Variants in PARD3B observed in about 807,000 individuals in gnomAD.
PARD3B encodes par-3 family cell polarity regulator beta.
A neutral mutation model predicts 130.2 loss-of-function variants in PARD3B; 103 were observed. The ratio of observed to expected loss-of-function variants is 0.79; its 90% CI spans 0.67 to 0.93. The LOEUF is 0.93. Among genes scored for constraint, PARD3B ranks in the 40% least tolerant of loss-of-function variants. The probability of loss-of-function intolerance (pLI) is 0.00; values close to 1 mark genes in which losing one functional copy is unlikely to be tolerated. For synonymous variants in PARD3B, 583 were observed against 553.2 expected (o/e 1.05, Z -0.76); for missense variants, 1,609 against 1,499.2 (o/e 1.07, Z -1.21).
Position 205,158,063 on chromosome 2 carries a change from T to C in PARD3B, c.1435-659T>C, listed in dbSNP as rs1203664715. Among the ~76,000 whole-genome samples, 3 of 152,148 alleles carry C rather than the reference T, an allele frequency of 2.0e-5. No individual in the cohort carries two copies. The highest frequency in any genetic ancestry group is 4.4e-5 in the Non-Finnish European group (3 of 68,026). On this transcript the variant is annotated intron_variant, in intron 10 of 22. Transcript: ENST00000406610. The surrounding 1 kb of genome is among the most constrained non-coding windows in gnomAD (Gnocchi z 5.4). ...AATCATTTTTGTTTAGGTTTAAAAA[T>C]TTAATGGCAGTGAGTTATACTACCT...
rs569948558 is a variant in PARD3B at position 204,974,332 on chromosome 2, G to A, written c.394+9009G>A. On this transcript the variant is annotated intron_variant, in intron 3 of 22. Coordinates refer to ENST00000406610, the MANE Select transcript of PARD3B (RefSeq NM_001302769.2). ...TATGTTTGTAGAATACGGTGTGATC[G>A]GGGAAAATGGGTAGGCTTATTACCT... Among the ~76,000 whole-genome samples, 8 of 152,148 alleles carry A rather than the reference G, an allele frequency of 5.3e-5. No homozygotes were observed. In the South Asian group the frequency reaches 1.0e-3, roughly 20 times the overall value.
intron 2 of PARD3B, among the ~76,000 whole-genome samples, chr2:204,755,141 T>G (rs1391770213): frequency 6.6e-6 from 1 of 152,086 alleles, no homozygotes. Context: ...GAACTCCAGT[T>G]CAGGCACTAA....
intron 15 of PARD3B, among the ~76,000 whole-genome samples, chr2:205,195,346 T>G (rs1002742218): frequency 6.6e-6 from 1 of 152,164 alleles, no homozygotes; most frequent in Non-Finnish European, 1.5e-5. Flanking sequence ...GTGGAAATAC[T>G]CAACAGCATG....
At chr2:204,828,384 T>C (rs1010088105) in intron 2 of PARD3B, among the ~76,000 whole-genome samples, 14 of 152,186 alleles carry the variant, frequency 9.2e-5, no homozygotes, top group African/African-American at 3.4e-4. Context: ...GCTCCAGTGA[T>C]TCTCAACCCT....
chr2:204,876,777 A>G (rs564266309), intron 2 of PARD3B, among the ~76,000 whole-genome samples: 3 of 152,200 alleles, frequency 2.0e-5, no homozygotes, highest in South Asian at 4.1e-4. Context: ...CCTCTGCTTT[A>G]TATTGTCTGA....
rs1210595780 is a variant in PARD3B at position 204,676,712 on chromosome 2, C to G, written c.121-9469C>G. On this transcript the variant is annotated intron_variant, in intron 1 of 22. Transcript: ENST00000406610. ...GGAGACAGAGTCTTGCTCTGTCACC[C>G]AGGCTGGAGTGCAGTGGTGCAATCT... Among the ~76,000 whole-genome samples the G allele has an allele frequency of 2.1e-5, 3 of 144,898 alleles. No individual in the cohort carries two copies. The East Asian group carries it at 6.2e-4, about 30-fold the overall frequency.
intron 2 of PARD3B, among the ~76,000 whole-genome samples, chr2:204,953,639 A>T (rs1690001208): frequency 6.6e-6 from 1 of 152,180 alleles, no homozygotes; most frequent in Non-Finnish European, 1.5e-5. Flanking sequence ...TATAAACACC[A>T]AAAGTGGTAA....
chr2:204,811,376 A>C (rs553308801), intron 2 of PARD3B, among the ~76,000 whole-genome samples: 62 of 151,910 alleles, frequency 4.1e-4, no homozygotes, highest in African/African-American at 1.3e-3. Flanking sequence ...ACTTTATCAA[A>C]CTCTACTGGT....
chr2:205,345,310 T>C (rs958904502), intron 18 of PARD3B, among the ~76,000 whole-genome samples: 2 of 152,146 alleles, frequency 1.3e-5, no homozygotes, highest in Non-Finnish European at 2.9e-5. Flanking sequence ...AACTTGGGGG[T>C]ACTTAGCAAG....
intron 19 of PARD3B, among the ~76,000 whole-genome samples, chr2:205,411,256 G>C (rs2046587073): frequency 1.3e-5 from 2 of 152,120 alleles, no homozygotes; most frequent in South Asian, 4.1e-4. Flanking sequence ...AGATATAATA[G>C]AAATATACTA....
intron 1 of PARD3B, among the ~76,000 whole-genome samples, chr2:204,589,560 T>C (rs943043738): frequency 6.7e-6 from 1 of 149,494 alleles, no homozygotes; most frequent in Non-Finnish European, 1.5e-5. Context: ...ATATAGCTGT[T>C]GCACAAGGTT....
rs753222666 is a variant in PARD3B at position 205,615,860 on chromosome 2, T to A, written c.*47T>A. On this transcript the variant is annotated 3_prime_UTR_variant, in exon 23 of 23. Coordinates refer to ENST00000406610, the MANE Select transcript of PARD3B (RefSeq NM_001302769.2). ...CCGGTCCAGAAAGGAAGGTGTCTAC[T>A]CTACCTTTGCCCTTTCTAAACCTGA... The A allele has an allele frequency of 1.3e-6, 2 of 1,491,646 alleles. No individual in the cohort carries two copies. Among genetic ancestry groups the A allele is most frequent in the South Asian group, 1.2e-5 (1 of 80,102 alleles). The allele number at this position is 1,491,646 out of a possible 1,614,324, so 92.4% of individuals were successfully genotyped here.
chr2:205,463,406 T>TA lies in PARD3B; in HGVS notation c.3044+22735dup, dbSNP rs2106233347. On this transcript the variant is annotated intron_variant, in intron 20 of 22. Transcript: ENST00000406610. The surrounding 1 kb of genome is among the most constrained non-coding windows in gnomAD (Gnocchi z 4.8). ...CCTTCCAAAGGTGGCAGAATGATGT[T>TA]AGTGTTAACATTTCACTGCACATTA... Among the ~76,000 whole-genome samples the TA allele has an allele frequency of 6.6e-6, 1 of 150,776 alleles. No homozygotes were observed. The highest frequency in any genetic ancestry group is 2.1e-4 in the South Asian group (1 of 4,778).
intron 2 of PARD3B, among the ~76,000 whole-genome samples, chr2:204,770,793 A>C (rs1252380965): frequency 6.6e-6 from 1 of 151,762 alleles, no homozygotes; most frequent in African/African-American, 2.4e-5. Flanking sequence ...CCCACCTTCC[A>C]CCTGTATTAA....
At position 205,074,367 on chromosome 2, in the gene PARD3B, A is replaced by G. The variant is rs189636503; in HGVS notation, c.504+26677A>G. Among the ~76,000 whole-genome samples the G allele has an allele frequency of 6.1e-3, 928 of 152,314 alleles. 5 individuals are homozygous for G. The highest frequency in any genetic ancestry group is 0.014 in the Middle Eastern group (4 of 294). ...TGATTTTCCACTCATTTGAACTTTTAAAAGTTGCTAATTGGTAAAGGAATC... is the reference window on the plus strand; with the variant it reads ...TGATTTTCCACTCATTTGAACTTTTGAAAGTTGCTAATTGGTAAAGGAATC... On this transcript the variant is annotated intron_variant, in intron 4 of 22. Transcript: ENST00000406610.
At chr2:204,755,112 A>G (rs946851259) in intron 2 of PARD3B, among the ~76,000 whole-genome samples, 1 of 152,132 alleles carries the variant, frequency 6.6e-6, no homozygotes, top group Admixed American at 6.6e-5. Context: ...GCAAAAATAG[A>G]ATTAAAATAT....
intron 15 of PARD3B, among the ~76,000 whole-genome samples, chr2:205,210,620 G>A (rs1037910683): frequency 6.7e-6 from 1 of 149,682 alleles, no homozygotes; most frequent in Non-Finnish European, 1.5e-5. Flanking sequence ...GCCAGATGAT[G>A]TATTAAAGAT....
chr2:205,178,143 T>TACAAAA (rs2035577427), intron 13 of PARD3B, among the ~76,000 whole-genome samples: 1 of 20,772 alleles, frequency 4.8e-5, no homozygotes, highest in Non-Finnish European at 7.8e-5. Flanking sequence ...CCATCTGTAC[T>TACAAAA]AAAAAAAAAA....
At chr2:204,742,272 AT>A (rs1263476158) in intron 2 of PARD3B, among the ~76,000 whole-genome samples, 1 of 152,154 alleles carries the variant, frequency 6.6e-6, no homozygotes, top group Admixed American at 6.6e-5. Context: ...AGTCACATAT[AT>A]TTTTCTTGAT....
Sources: gnomAD v4.1 joint callset for allele counts (sites outside exome capture counted in the v4.1 genomes callset) on GRCh38, gnomAD v4.1.1 for gene constraint, Gnocchi (gnomAD v3.1) non-coding constraint, MANE v1.5 for transcripts, NCBI Gene and HGNC (gene_info 2026-07-23, HGNC 2026-07-21) for gene names.